Variants in MPND observed in about 807,000 individuals in gnomAD.
The protein encoded by MPND is MPN domain containing.
A neutral mutation model predicts 59.2 loss-of-function variants in MPND; 56 were observed. That is an observed-to-expected ratio of 0.95 (90% CI 0.76 to 1.18). MPND has a LOEUF of 1.18. Among genes scored for constraint, MPND ranks in the 50% most tolerant of loss-of-function variants. The pLI is 0.00. For missense variants in MPND, 671 were observed against 676.0 expected (o/e 0.99, Z 0.08); for synonymous variants, 323 against 291.9 (o/e 1.11, Z -1.09).
In MPND at chr19:4,345,777, C is replaced by T. The variant is rs200526614; in HGVS notation, c.327C>T (p.Asp109=). 6.6e-4 allele frequency: 1,060 copies of T among 1,613,934 alleles called. 4 individuals are homozygous for T. Among genetic ancestry groups the T allele is most frequent in the South Asian group, 3.4e-3 (308 of 91,078 alleles). Residue 109 remains aspartate, a synonymous_variant, in exon 3 of 13, where the codon GAC becomes GAT. Transcript: ENST00000599840. ...GKKFLGDLQP[D]GRIMWQETGQ... The stretch of plus-strand genomic sequence containing the variant: ...AGTTCCTGGGCGACCTGCAGCCAGA[C>T]GGAAGGATCATGTGGCAGGAGACCG...
intron 3 of MPND, chr19:4,348,796 A>G (rs1462429219): frequency 6.6e-6 from 1 of 151,592 alleles, no homozygotes; most frequent in East Asian, 2.0e-4. Flanking sequence ...AGCTGGAATT[A>G]TAGGCGCCCA....
rs533329793 is a variant in MPND, at chr19:4,359,217, C to T, written c.1381C>T (p.Pro461Ser). 95 of 1,613,016 alleles carry T rather than the reference C, an allele frequency of 5.9e-5. No individual in the cohort carries two copies. The highest frequency in any genetic ancestry group is 3.3e-4 in the Middle Eastern group (2 of 6,054). Residue 461 changes from proline to serine, a missense_variant, in exon 12 of 13, where the codon CCC becomes TCC. Transcript: ENST00000599840. ...GSPDLVRLQE[P>S]WSQEHTYLDK... ...CCCTGACCTCGTGAGGCTCCAGGAA[C>T]CCTGGAGCCAGGAGCACACCTACCT...
rs1399843104 is a variant in MPND, at chr19:4,352,990, A to C, written c.625A>C (p.Arg209=). The C allele has an allele frequency of 7.3e-7, 1 of 1,370,034 alleles. No individual in the cohort carries two copies. Among genetic ancestry groups the C allele is most frequent in the Non-Finnish European group, 9.5e-7 (1 of 1,052,126 alleles). 84.9% of individuals were successfully genotyped at this position (1,370,034 alleles called of 1,614,324 possible). Residue 209 remains arginine, a synonymous_variant, in exon 4 of 13, where the codon AGA becomes CGA. Transcript: ENST00000599840. ...GGTCTCAGCAGAGGACAAGAGTCGG[A>C]GACCACTGGGGAAGAGCCCTTCAGA... ...AGVSAEDKSR[R]PLGKSPSEPA...
rs548492683 is a variant in MPND, at chr19:4,348,996, G to A, written c.531+3015G>A. ...ATGGATACAGTCCTCAGTGCCAGCA[G>A]GAAGCAGGTCATCACTGTTACTTGC... On this transcript the variant is annotated intron_variant, in intron 3 of 12. Transcript: ENST00000599840. 2.8e-5 allele frequency: 6 copies of A among 217,014 alleles called. No homozygotes were observed. In the South Asian group the frequency reaches 4.7e-4, roughly 17 times the overall value. 13.4% of individuals were successfully genotyped at this position (217,014 alleles called of 1,614,324 possible).
At chr19:4,348,179 A>AG (rs1972229616) in intron 3 of MPND, 1 of 152,188 alleles carries the variant, frequency 6.6e-6, no homozygotes, top group Admixed American at 6.6e-5. Flanking sequence ...GGCGTGAGCC[A>AG]CCAAGCCCAG....
intron 8 of MPND, 38 bp from the exon 9 acceptor site, chr19:4,357,215 A>G (rs755954155): frequency 1.9e-6 from 3 of 1,552,006 alleles, no homozygotes; most frequent in Non-Finnish European, 2.6e-6. Context: ...AGAGCCGTTC[A>G]GGCCCCTGTG....
chr19:4,345,816 C>T lies in MPND; in HGVS notation c.366C>T (p.Asn122=), dbSNP rs771635868. The part of the protein sequence containing the change: ...IMWQETGQTF[N]SPSAWATHCK... ...GGCAGGAGACCGGGCAGACCTTCAA[C>T]TCACCCAGCGCCTGGGCCACCCACT... The change falls in exon 3 of 13, where the codon AAC becomes AAT. Residue 122 remains asparagine (N), a synonymous_variant. Coordinates refer to ENST00000599840, the MANE Select transcript of MPND (RefSeq NM_001300862.2). 1 of 1,613,874 alleles carries T rather than the reference C, an allele frequency of 6.2e-7. No individual in the cohort carries two copies. Among genetic ancestry groups the T allele is most frequent in the Non-Finnish European group, 8.5e-7 (1 of 1,180,042 alleles).
At chr19:4,351,596 C>T (rs1368475242) in intron 3 of MPND, among the ~76,000 whole-genome samples, 5 of 152,032 alleles carry the variant, frequency 3.3e-5, no homozygotes, top group Non-Finnish European at 4.4e-5. Context: ...GGCACGGTGG[C>T]TCACGCCTTT....
chr19:4,343,608 G>A lies in MPND; in HGVS notation c.7+8G>A, dbSNP rs985533100. 1 of 1,124,352 alleles carries A rather than the reference G, an allele frequency of 8.9e-7. No homozygotes were observed. The highest frequency in any genetic ancestry group is 3.7e-5 in the East Asian group (1 of 26,730). 69.6% of individuals were successfully genotyped at this position (1,124,352 alleles called of 1,614,324 possible). A position where few individuals can be genotyped will look rare whatever the true frequency, so the allele number is the denominator to read the frequency against. On this transcript the variant is annotated splice_region_variant and intron_variant, in intron 1 of 12. Coordinates refer to ENST00000599840, the MANE Select transcript of MPND (RefSeq NM_001300862.2). ...GAGGCGCGGCCATGGCAGGTACGGC[G>A]GGCCCAGCGGGGCGGAGGCGCGGGG...
chr19:4,348,969 A>G, intron 3 of MPND: 1 of 216,030 alleles, frequency 4.6e-6, no homozygotes, highest in Non-Finnish European at 9.8e-6. Flanking sequence ...TTGAATTCTT[A>G]TATGGATACA....
At position 4,360,045 on chromosome 19, in the gene MPND, G is replaced by A. The variant is rs372060833; in HGVS notation, c.*43G>A. The A allele has an allele frequency of 5.3e-6, 8 of 1,506,068 alleles. No homozygotes were observed. Among genetic ancestry groups the A allele is most frequent in the Non-Finnish European group, 7.2e-6 (8 of 1,107,480 alleles). The allele number at this position is 1,506,068 out of a possible 1,614,324, so 93.3% of individuals were successfully genotyped here. A position where few individuals can be genotyped will look rare whatever the true frequency, so the allele number is the denominator to read the frequency against. ...GGGCTCCAGTTGTCTTGAGGGTCCG[G>A]ATGGGCTCAGGTAATAAAGAAACGG... On this transcript the variant is annotated 3_prime_UTR_variant, in exon 13 of 13. Transcript: ENST00000599840.
At chr19:4,352,749 C>T (rs1972346865) in intron 3 of MPND, 148 bp from the exon 4 acceptor site, 1 of 629,682 alleles carries the variant, frequency 1.6e-6, no homozygotes, top group Non-Finnish European at 2.4e-6. Context: ...TAGCTTAAGG[C>T]CTTCTCTGCT....
At chr19:4,355,054 T>TGGG in intron 7 of MPND, 33 bp downstream of exon 7, 1 of 1,608,816 alleles carries the variant, frequency 6.2e-7, no homozygotes, top group South Asian at 1.1e-5. Context: ...GCGGGGGCGT[T>TGGG]GGAGGACCGG....
At chr19:4,350,009 C>G (rs72986787) in intron 3 of MPND, among the ~76,000 whole-genome samples, 1 of 151,386 alleles carries the variant, frequency 6.6e-6, no homozygotes, top group African/African-American at 2.4e-5. Flanking sequence ...GTTTTAGGCA[C>G]TGAATATAAA....
At chr19:4,356,127 C>T (rs1972434104) in intron 8 of MPND, among the ~76,000 whole-genome samples, 2 of 152,254 alleles carry the variant, frequency 1.3e-5, no homozygotes, top group African/African-American at 4.8e-5. Context: ...GCTGGGATTA[C>T]AGGTGTGAGC....
chr19:4,355,266 C>A, intron 8 of MPND, 93 bp downstream of exon 8: 2 of 1,343,080 alleles, frequency 1.5e-6, no homozygotes, highest in South Asian at 1.2e-5. Context: ...GTGTCATCAC[C>A]CAGCAACCGT....
chr19:4,350,941 C>T (rs899462314), intron 3 of MPND, among the ~76,000 whole-genome samples: 4 of 151,810 alleles, frequency 2.6e-5, no homozygotes, highest in East Asian at 3.9e-4. Context: ...GGGAGCCAGG[C>T]GAGCGTGGGA....
At chr19:4,355,442 TCTC>T (rs1349191958) in intron 8 of MPND, among the ~76,000 whole-genome samples, 1 of 150,038 alleles carries the variant, frequency 6.7e-6, no homozygotes, top group East Asian at 2.0e-4. Flanking sequence ...TTCACGCCAT[TCTC>T]CTGCCTCAGC....
At chr19:4,351,588 C>T (rs931078764) in intron 3 of MPND, among the ~76,000 whole-genome samples, 6 of 152,086 alleles carry the variant, frequency 3.9e-5, no homozygotes, top group African/African-American at 1.4e-4. Context: ...GGCGGCCGGG[C>T]ACGGTGGCTC....
Sources: gnomAD v4.1 joint callset for allele counts (sites outside exome capture counted in the v4.1 genomes callset) on GRCh38, gnomAD v4.1.1 for gene constraint, MANE v1.5 for transcripts, NCBI Gene and HGNC (gene_info 2026-07-23, HGNC 2026-07-21) for gene names.